Variants in AGO2 observed in about 807,000 individuals in gnomAD.
AGO2 encodes protein argonaute-2.
AGO2 carries 5 observed loss-of-function variants against 102.3 expected under a neutral mutation model. The observed-to-expected ratio is 0.05, with a 90% CI of 0.03 to 0.10. AGO2 has a LOEUF of 0.10. Ranked by LOEUF, AGO2 falls within the 10% of genes least tolerant of loss-of-function variation. The pLI, the probability that AGO2 is intolerant of heterozygous loss-of-function variation, is 1.00. For missense variants in AGO2, 541 were observed against 1,183.7 expected (o/e 0.46, Z 7.97); for synonymous variants, 449 against 473.1 (o/e 0.95, Z 0.66).
rs772513811 is a variant in AGO2 at position 140,532,158 on chromosome 8, G to C, written c.2472-6C>G. The C allele has an allele frequency of 6.2e-7, 1 of 1,612,368 alleles. No individual in the cohort carries two copies. The stretch of plus-strand genomic sequence containing the variant: ...AGGTATGGCTTCCTTCAGCACTGCA[G>C]GGATGAGAGAGAGAGAGAATGAGAA... On this transcript the variant is annotated splice_region_variant and splice_polypyrimidine_tract_variant and intron_variant, in intron 18 of 18. Transcript: ENST00000220592.
Position 140,557,297 on chromosome 8 carries a change from T to G in AGO2, c.879-61A>C. 2.0e-6 allele frequency: 3 copies of G among 1,526,166 alleles called. No individual in the cohort carries two copies. Among genetic ancestry groups the G allele is most frequent in the African/African-American group, 1.4e-5 (1 of 72,206 alleles). 94.5% of individuals were successfully genotyped at this position (1,526,166 alleles called of 1,614,324 possible). A position where few individuals can be genotyped will look rare whatever the true frequency, so the allele number is the denominator to read the frequency against. ...CCCGGAGCCCCTTCCCCTGCGCTGCTTTTCATTTGCGTTTGCTTTTTAGGG... is the reference window on the plus strand; with the variant it reads ...CCCGGAGCCCCTTCCCCTGCGCTGCGTTTCATTTGCGTTTGCTTTTTAGGG... On this transcript the variant is annotated intron_variant, in intron 7 of 18. Coordinates refer to ENST00000220592, the MANE Select transcript of AGO2 (RefSeq NM_012154.5). This position sits in a 1 kb window ranked among gnomAD's most constrained non-coding sequence, Gnocchi z 5.9.
At position 140,635,590 on chromosome 8, in the gene AGO2, G is replaced by GCCGGCCGCACGATCCGCC. The variant is rs2152113419; in HGVS notation, c.-102_-85dup. ...CGACGCCGCGAGCCGCGAGGGAGCCGCCGGCCGCACGATCCGCCCCGGCGC... is the reference window on the plus strand; with the variant it reads ...CGACGCCGCGAGCCGCGAGGGAGCCGCCGGCCGCACGATCCGCCCCGGCCGCACGATCCGCCCCGGCGC... On this transcript the variant is annotated 5_prime_UTR_variant, in exon 1 of 19. Transcript: ENST00000220592. 1 of 921,480 alleles carries GCCGGCCGCACGATCCGCC rather than the reference G, an allele frequency of 1.1e-6. No individual in the cohort carries two copies. Among genetic ancestry groups the GCCGGCCGCACGATCCGCC allele is most frequent in the East Asian group, 1.2e-4 (1 of 8,274 alleles). 57.1% of individuals were successfully genotyped at this position (921,480 alleles called of 1,614,324 possible). A position where few individuals can be genotyped will look rare whatever the true frequency, so the allele number is the denominator to read the frequency against.
At chr8:140,609,440 T>C (rs2074047152) in intron 1 of AGO2, among the ~76,000 whole-genome samples, 2 of 152,186 alleles carry the variant, frequency 1.3e-5, no homozygotes, top group Admixed American at 1.3e-4. Context: ...ACTCTGCAAG[T>C]AGGAGTGTGG....
intron 2 of AGO2, among the ~76,000 whole-genome samples, chr8:140,574,288 G>A (rs1036157434): frequency 6.6e-6 from 1 of 152,012 alleles, no homozygotes; most frequent in Non-Finnish European, 1.5e-5. Context: ...TTTTATTAGA[G>A]ACAGAGTCTC....
chr8:140,607,362 G>A (rs988381538), intron 1 of AGO2, among the ~76,000 whole-genome samples: 3 of 151,198 alleles, frequency 2.0e-5, no homozygotes, highest in Non-Finnish European at 4.4e-5. Flanking sequence ...AGAATTTGAG[G>A]CTGTAGTGTG....
At chr8:140,558,693 G>T in intron 6 of AGO2, 121 bp from the exon 7 acceptor site, 1 of 1,047,642 alleles carries the variant, frequency 9.5e-7, no homozygotes, top group Non-Finnish European at 1.4e-6. Flanking sequence ...GGGGCTGCAG[G>T]GCTCCCCTAG....
In AGO2 at chr8:140,585,199, G is replaced by A. The variant is rs202232727; in HGVS notation, c.135C>T (p.Phe45=). ...GRTIKLQANF[F]EMDIPKIDIY... is the part of the protein sequence containing the mutation. ...TGTCAATTTTGGGGATGTCCATTTC[G>A]AAGAAATTGGCCTGTAATTTGATTG... Residue 45 remains phenylalanine, a synonymous_variant, in exon 2 of 19, where the codon TTC becomes TTT. Transcript: ENST00000220592. The A allele has an allele frequency of 1.8e-4, 286 of 1,614,022 alleles. No individual in the cohort carries two copies. The highest frequency in any genetic ancestry group is 1.2e-4 in the Non-Finnish European group (136 of 1,180,018).
chr8:140,556,332 G>T, intron 8 of AGO2, 46 bp from the exon 9 acceptor site: 1 of 1,604,754 alleles, frequency 6.2e-7, no homozygotes, highest in Non-Finnish European at 8.5e-7. Flanking sequence ...GCACTGGAGT[G>T]ACCAGGGGAG....
chr8:140,547,650 A>C lies in AGO2; in HGVS notation c.1589-23T>G, dbSNP rs755094316. The stretch of plus-strand genomic sequence containing the variant: ...CGGCTAAGGGACATGAGAGGCACAC[A>C]CAGCTCTGCCGGCGCCCCTTCCTCA... On this transcript the variant is annotated intron_variant, in intron 12 of 18. Coordinates refer to ENST00000220592, the MANE Select transcript of AGO2 (RefSeq NM_012154.5). 3 of 1,598,370 alleles carry C rather than the reference A, an allele frequency of 1.9e-6. No individual in the cohort carries two copies. The Admixed American group carries it at 5.1e-5, about 27-fold the overall frequency.
intron 2 of AGO2, among the ~76,000 whole-genome samples, chr8:140,574,590 C>G (rs1219000318): frequency 6.6e-6 from 1 of 152,028 alleles, no homozygotes; most frequent in African/African-American, 2.4e-5. Flanking sequence ...CATTTTGACC[C>G]AACTCACTAA....
chr8:140,591,394 G>A (rs981455724), intron 1 of AGO2, among the ~76,000 whole-genome samples: 1 of 152,200 alleles, frequency 6.6e-6, no homozygotes, highest in African/African-American at 2.4e-5. Context: ...GGAACGCTGC[G>A]CTGAGGCCGA....
intron 2 of AGO2, among the ~76,000 whole-genome samples, chr8:140,578,845 G>A (rs1262842493): frequency 2.0e-5 from 3 of 152,256 alleles, no homozygotes; most frequent in East Asian, 1.9e-4. Flanking sequence ...TGCAGAAGCC[G>A]GAGCGTGTTG....
chr8:140,550,232 A>T (rs2072972915), intron 11 of AGO2, among the ~76,000 whole-genome samples: 1 of 152,236 alleles, frequency 6.6e-6, no homozygotes. Context: ...TCTGAGGGCC[A>T]TGCTGGTTCG....
chr8:140,592,006 G>C (rs1405663715), intron 1 of AGO2: 1 of 152,144 alleles, frequency 6.6e-6, no homozygotes, highest in Non-Finnish European at 1.5e-5. Flanking sequence ...TGCAGTCCCA[G>C]CTATTTGGGA....
intron 3 of AGO2, among the ~76,000 whole-genome samples, chr8:140,570,471 C>T (rs1358340167): frequency 3.9e-5 from 6 of 152,090 alleles, no homozygotes; most frequent in African/African-American, 1.4e-4. Flanking sequence ...CTCAAGTGAT[C>T]CGCCTGCCTC....
intron 2 of AGO2, among the ~76,000 whole-genome samples, chr8:140,584,632 T>C (rs994902130): frequency 1.3e-5 from 2 of 152,098 alleles, no homozygotes; most frequent in Non-Finnish European, 2.9e-5. Context: ...GGCAATAGAG[T>C]ATTTAGCAAT....
At chr8:140,612,091 C>A (rs1205457242) in intron 1 of AGO2, among the ~76,000 whole-genome samples, 1 of 151,810 alleles carries the variant, frequency 6.6e-6, no homozygotes, top group African/African-American at 2.4e-5. Flanking sequence ...GGAGCAGTGG[C>A]GGGCGCCTGT....
rs1053305942 is a variant in AGO2 at position 140,540,793 on chromosome 8, C to T, written c.2034+371G>A. ...GGCGTCCCCAGACGCAATGAGCTCCCCGCCTCGCAGGGACACCCGACAGCT... is the reference window on the plus strand; with the variant it reads ...GGCGTCCCCAGACGCAATGAGCTCCTCGCCTCGCAGGGACACCCGACAGCT... On this transcript the variant is annotated intron_variant, in intron 15 of 18. Transcript: ENST00000220592. This position sits in a 1 kb window ranked among gnomAD's most constrained non-coding sequence, Gnocchi z 5.0. Among the ~76,000 whole-genome samples the T allele has an allele frequency of 2.0e-5, 3 of 152,220 alleles. No homozygotes were observed. The highest frequency in any genetic ancestry group is 4.4e-5 in the Non-Finnish European group (3 of 68,042).
In AGO2 at chr8:140,549,355, C is replaced by T. The variant is rs538665091; in HGVS notation, c.1404-57G>A. 1,680 of 1,500,198 alleles carry T rather than the reference C, an allele frequency of 1.1e-3. 34 individuals are homozygous for T. The South Asian group carries it at 0.02, about 18-fold the overall frequency. The allele number at this position is 1,500,198 out of a possible 1,614,324, so 92.9% of individuals were successfully genotyped here. On this transcript the variant is annotated intron_variant, in intron 11 of 18. Coordinates refer to ENST00000220592, the MANE Select transcript of AGO2 (RefSeq NM_012154.5). ...ACTGGGAATGGCAGAGAACTCAGGC[C>T]GACCAGAGGCTCTAACACAAGGGCG...
Sources: allele counts gnomAD v4.1 joint callset (sites outside exome capture counted in the v4.1 genomes callset), GRCh38; gene constraint gnomAD v4.1.1; non-coding constraint Gnocchi (gnomAD v3.1); transcripts MANE v1.5; gene names NCBI Gene and HGNC (gene_info 2026-07-23, HGNC 2026-07-21).